MAS1: variants seen among roughly 807,000 people sequenced by gnomAD.
MAS1 encodes MAS1 proto-oncogene, G protein-coupled receptor.
For synonymous variants in MAS1, 163 were observed against 164.2 expected, an observed-to-expected ratio of 0.99 and a Z score of 0.05; for missense variants, 387 against 409.7, an observed-to-expected ratio of 0.94 and a Z score of 0.48.
Position 159,907,348 on chromosome 6 carries a change from C to A in MAS1, c.393C>A (p.Cys131Ter), listed in dbSNP as rs145130069. 49 of 1,614,154 alleles carry A rather than the reference C, an allele frequency of 3.0e-5. No homozygotes were observed. In the African/African-American group the frequency reaches 6.4e-4, roughly 21 times the overall value. The change falls in exon 3 of 3, where the codon TGC (cysteine) becomes TGA (stop). Residue 131 changes from cysteine to a stop codon, truncating the protein, a stop_gained. Transcript: ENST00000674077. LOFTEE classifies it low-confidence loss of function (END_TRUNC). ...TGACGGCCATTAGTGTGGAGAGGTG[C>A]CTGTCAGTCCTTTACCCCATCTGGT... is the stretch of plus-strand genomic sequence containing the variant. Reference protein sequence around the residue: ...YLLTAISVERCLSVLYPIWYR... With the variant: ...YLLTAISVER
At position 159,908,080 on chromosome 6, in the gene MAS1, A is replaced by G. The variant is rs760200462; in HGVS notation, c.*147A>G. ...GAGATACTAATTAATGATGAAATTGAACTCTTGTACTGTATCTTCTGGAAA... is the reference window on the plus strand; with the variant it reads ...GAGATACTAATTAATGATGAAATTGGACTCTTGTACTGTATCTTCTGGAAA... On this transcript the variant is annotated 3_prime_UTR_variant, in exon 3 of 3. Coordinates refer to ENST00000674077, the MANE Select transcript of MAS1 (RefSeq NM_002377.4). The G allele has an allele frequency of 4.3e-5, 38 of 886,198 alleles. No individual in the cohort carries two copies. The highest frequency in any genetic ancestry group is 5.1e-5 in the Non-Finnish European group (31 of 602,114). The allele number at this position is 886,198 out of a possible 1,614,324, so 54.9% of individuals were successfully genotyped here.
At chr6:159,889,462 C>T (rs558829075), upstream of MAS1, among the ~76,000 whole-genome samples, 6 of 152,288 alleles carry the variant, frequency 3.9e-5, no homozygotes, top group African/African-American at 1.4e-4. Flanking sequence ...CTCCTTCATC[C>T]CTCATTTCCT....
In MAS1 at chr6:159,908,509, G is replaced by GCACACACACACACACA. The variant is rs55793021; in HGVS notation, c.*597_*612dup. 1.6e-4 allele frequency: 24 copies of GCACACACACACACACA among 145,978 alleles called. No individual in the cohort carries two copies. The highest frequency in any genetic ancestry group is 4.6e-4 in the African/African-American group (18 of 39,520). 9.0% of individuals were successfully genotyped at this position (145,978 alleles called of 1,614,324 possible). On this transcript the variant is annotated 3_prime_UTR_variant, in exon 3 of 3. Transcript: ENST00000674077. Reference sequence around the variant, plus strand: ...AAGATATAAATTTTTGTTTTGTAAAGCACACACACACACACACACACACAC... The same window carrying GCACACACACACACACA: ...AAGATATAAATTTTTGTTTTGTAAAGCACACACACACACACACACACACACACACACACACACACAC...
intron 2 of MAS1, among the ~76,000 whole-genome samples, chr6:159,899,874 C>T (rs750059189): frequency 7.9e-5 from 12 of 151,818 alleles, no homozygotes; most frequent in Non-Finnish European, 1.2e-4. Flanking sequence ...GGTGAAACCC[C>T]GTCTCTACTA....
chr6:159,908,152 CT>C lies in MAS1; in HGVS notation c.*223del. 2 of 446,346 alleles carry C rather than the reference CT, an allele frequency of 4.5e-6. No homozygotes were observed. 27.6% of individuals were successfully genotyped at this position (446,346 alleles called of 1,614,324 possible). ...GACAAAGACTCTATTTCTTTCAGCTCTTTTGGCAGCATCTTACCATGAACCA... is the reference window on the plus strand; with the variant it reads ...GACAAAGACTCTATTTCTTTCAGCTCTTTGGCAGCATCTTACCATGAACCA... On this transcript the variant is annotated 3_prime_UTR_variant, in exon 3 of 3. Coordinates refer to ENST00000674077, the MANE Select transcript of MAS1 (RefSeq NM_002377.4).
rs1267084980 is a variant in MAS1 at position 159,912,061 on chromosome 6, C to G, written c.*4128C>G. ...ATGGAGGAGGGTTGGTGAACAGCAC[C>G]ACTGGCCTTGACTAGCCTGCTCCCT... On this transcript the variant is annotated 3_prime_UTR_variant, in exon 3 of 3. Coordinates refer to ENST00000674077, the MANE Select transcript of MAS1 (RefSeq NM_002377.4). 2.0e-5 allele frequency: 3 copies of G among 152,346 alleles called. No homozygotes were observed. The highest frequency in any genetic ancestry group is 4.8e-5 in the African/African-American group (2 of 41,436). 9.4% of individuals were successfully genotyped at this position (152,346 alleles called of 1,614,324 possible).
In MAS1 at chr6:159,914,126, T is replaced by C. The variant is rs528540691; in HGVS notation, c.*6193T>C. ...GGGGTTTTTTTGGTCAAATTTCTCA[T>C]GTTGCTTCTAGATTGTTTTCCAAAT... On this transcript the variant is annotated 3_prime_UTR_variant, in exon 3 of 3. Transcript: ENST00000674077. 25 of 152,366 alleles carry C rather than the reference T, an allele frequency of 1.6e-4. No individual in the cohort carries two copies. The highest frequency in any genetic ancestry group is 5.8e-4 in the African/African-American group (24 of 41,600). 9.4% of individuals were successfully genotyped at this position (152,366 alleles called of 1,614,324 possible).
At chr6:159,898,048 C>A (rs921485701) in intron 1 of MAS1, among the ~76,000 whole-genome samples, 2 of 151,928 alleles carry the variant, frequency 1.3e-5, no homozygotes, top group Non-Finnish European at 2.9e-5. Flanking sequence ...CATGCCACCA[C>A]GCCCGGATAA....
intron 1 of MAS1, among the ~76,000 whole-genome samples, chr6:159,896,476 C>T (rs1466272699): frequency 2.0e-5 from 3 of 151,990 alleles, no homozygotes; most frequent in South Asian, 2.1e-4. Flanking sequence ...ATTTTAAAAA[C>T]GAGCGTGTGT....
intron 1 of MAS1, among the ~76,000 whole-genome samples, chr6:159,895,503 G>A (rs902103915): frequency 7.2e-5 from 11 of 152,072 alleles, no homozygotes; most frequent in Admixed American, 2.6e-4. Flanking sequence ...ATGTTGTAAC[G>A]TATAACATAT....
chr6:159,907,156 T>G lies in MAS1; in HGVS notation c.201T>G (p.Thr67=), dbSNP rs1476918746. The change falls in exon 3 of 3, where the codon ACT becomes ACG. Residue 67 remains threonine, a synonymous_variant. Coordinates refer to ENST00000674077, the MANE Select transcript of MAS1 (RefSeq NM_002377.4). The stretch of plus-strand genomic sequence containing the variant: ...TCCGGATGAGAAGAAATCCCTTCAC[T>G]GTCTACATCACCCACCTGTCTATCG... ...LCFRMRRNPF[T]VYITHLSIAD... is the part of the protein sequence containing the mutation. 4 of 1,614,126 alleles carry G rather than the reference T, an allele frequency of 2.5e-6. No individual in the cohort carries two copies. Among genetic ancestry groups the G allele is most frequent in the Non-Finnish European group, 3.4e-6 (4 of 1,180,044 alleles).
intron 1 of MAS1, among the ~76,000 whole-genome samples, chr6:159,897,890 AG>A (rs1782771522): frequency 6.6e-6 from 1 of 151,924 alleles, no homozygotes; most frequent in Admixed American, 6.6e-5. Flanking sequence ...AAATTAAACA[AG>A]TCTTTTTTTT....
intron 2 of MAS1, among the ~76,000 whole-genome samples, chr6:159,904,340 G>A (rs975605980): frequency 2.0e-5 from 3 of 152,080 alleles, no homozygotes; most frequent in South Asian, 2.1e-4. Flanking sequence ...ACTTTCCTCC[G>A]GCTCCTGACA....
At position 159,914,518 on chromosome 6, in the gene MAS1, T is replaced by C. The variant is rs1318267497; in HGVS notation, c.*6585T>C. On this transcript the variant is annotated 3_prime_UTR_variant, in exon 3 of 3. Transcript: ENST00000674077. ...TCAACATTTCCCAGTTCAGGGAAGA[T>C]GTAAGTGGGTATCAGAACTTAATCT... 1.3e-5 allele frequency: 2 copies of C among 152,244 alleles called. No homozygotes were observed. The highest frequency in any genetic ancestry group is 2.9e-5 in the Non-Finnish European group (2 of 68,042). The allele number at this position is 152,244 out of a possible 1,614,324, so 9.4% of individuals were successfully genotyped here. A position where few individuals can be genotyped will look rare whatever the true frequency, so the allele number is the denominator to read the frequency against.
intron 2 of MAS1, among the ~76,000 whole-genome samples, chr6:159,904,647 G>C (rs1205609417): frequency 6.6e-6 from 1 of 152,098 alleles, no homozygotes; most frequent in Non-Finnish European, 1.5e-5. Context: ...GAACACAGGG[G>C]CCATACCGAG....
At position 159,909,774 on chromosome 6, in the gene MAS1, G is replaced by A. The variant is rs1305064860; in HGVS notation, c.*1841G>A. 1.3e-5 allele frequency: 2 copies of A among 152,246 alleles called. No individual in the cohort carries two copies. Among genetic ancestry groups the A allele is most frequent in the South Asian group, 2.1e-4 (1 of 4,824 alleles). 9.4% of individuals were successfully genotyped at this position (152,246 alleles called of 1,614,324 possible). ...TCTTAGTCTCAAAGAGGACCCTAAA[G>A]ACTATCAGATACAAGGAATTTCTAC... On this transcript the variant is annotated 3_prime_UTR_variant, in exon 3 of 3. Coordinates refer to ENST00000674077, the MANE Select transcript of MAS1 (RefSeq NM_002377.4).
At chr6:159,902,443 TAATG>T (rs1398115839) in intron 2 of MAS1, 1 of 152,218 alleles carries the variant, frequency 6.6e-6, no homozygotes, top group Non-Finnish European at 1.5e-5. Context: ...CTGGGGGACT[TAATG>T]CATGCAAAAG....
chr6:159,915,392 A>C lies in MAS1; in HGVS notation c.*7459A>C, dbSNP rs754718227. The C allele has an allele frequency of 1.2e-4, 18 of 152,226 alleles. No individual in the cohort carries two copies. Among genetic ancestry groups the C allele is most frequent in the Middle Eastern group, 3.2e-3 (1 of 316 alleles). The allele number at this position is 152,226 out of a possible 1,614,324, so 9.4% of individuals were successfully genotyped here. On this transcript the variant is annotated 3_prime_UTR_variant, in exon 3 of 3. Coordinates refer to ENST00000674077, the MANE Select transcript of MAS1 (RefSeq NM_002377.4). The stretch of plus-strand genomic sequence containing the variant: ...ACAGATTAGGTATATCCTGCTGGAA[A>C]TAGGACTAGTTCACTGAGTATAACG...
Position 159,911,371 on chromosome 6 carries a change from G to A in MAS1, c.*3438G>A, listed in dbSNP as rs1019637270. 6 of 96,996 alleles carry A rather than the reference G, an allele frequency of 6.2e-5. No homozygotes were observed. The highest frequency in any genetic ancestry group is 2.5e-4 in the African/African-American group (6 of 23,770). The allele number at this position is 96,996 out of a possible 1,614,324, so 6.0% of individuals were successfully genotyped here. A position where few individuals can be genotyped will look rare whatever the true frequency, so the allele number is the denominator to read the frequency against. On this transcript the variant is annotated 3_prime_UTR_variant, in exon 3 of 3. Transcript: ENST00000674077. The stretch of plus-strand genomic sequence containing the variant: ...TTTTTTTGAGACAGAGTCTTGCTCT[G>A]TTGCCCCAGCTGGAGTGCGGTGGCG...
Sources: gnomAD v4.1 joint callset for allele counts (sites outside exome capture counted in the v4.1 genomes callset) on GRCh38, gnomAD v4.1.1 for gene constraint, MANE v1.5 for transcripts, NCBI Gene and HGNC (gene_info 2026-07-23, HGNC 2026-07-21) for gene names.